LEPR: variants seen among roughly 807,000 people sequenced by gnomAD.
The protein encoded by LEPR is leptin receptor.
Under a neutral mutation model 114.7 loss-of-function variants are expected in LEPR, and 56 were observed. The observed-to-expected ratio is 0.49, with a 90% CI of 0.39 to 0.61. LEPR has a LOEUF of 0.61. Ranked by LOEUF, LEPR falls within the 20% of genes least tolerant of loss-of-function variation. The pLI is 0.00. For synonymous variants in LEPR, 443 were observed against 461.4 expected (o/e 0.96, Z 0.51); for missense variants, 1,202 against 1,352.9 (o/e 0.89, Z 1.75).
chr1:65,485,260 A>T lies in LEPR; in HGVS notation c.-21+59882A>T, dbSNP rs528403214. On this transcript the variant is annotated intron_variant, in intron 2 of 19. Transcript: ENST00000349533. ...CAGATAAAGCAGTCAACACACGTTC[A>T]TAATTATGTTAATTTACAACTAACG... Among the ~76,000 whole-genome samples the T allele has an allele frequency of 1.6e-4, 24 of 152,340 alleles. No individual in the cohort carries two copies. In the South Asian group the frequency reaches 5.0e-3, roughly 32 times the overall value.
chr1:65,569,096 G>C (rs1653973901), intron 3 of LEPR, among the ~76,000 whole-genome samples: 1 of 151,948 alleles, frequency 6.6e-6, no homozygotes, highest in African/African-American at 2.4e-5. Flanking sequence ...GCATAGTTCT[G>C]GAAGAGTGCT....
chr1:65,542,305 T>A (rs1228443281), intron 2 of LEPR, among the ~76,000 whole-genome samples: 8 of 152,050 alleles, frequency 5.3e-5, no homozygotes, highest in Non-Finnish European at 1.2e-4. Context: ...GGGCTGTTTT[T>A]CTTTTTAAAC....
intron 2 of LEPR, among the ~76,000 whole-genome samples, chr1:65,477,135 C>G (rs144661286): frequency 6.6e-6 from 1 of 152,146 alleles, no homozygotes; most frequent in Non-Finnish European, 1.5e-5. Context: ...TAGGTATCAC[C>G]TTATCAGTGA....
At chr1:65,462,148 C>T (rs538815938) in intron 2 of LEPR, among the ~76,000 whole-genome samples, 1 of 152,270 alleles carries the variant, frequency 6.6e-6, no homozygotes, top group African/African-American at 2.4e-5. Context: ...CTATCCCTCT[C>T]CCATCCCCCC....
At chr1:65,619,462 G>T (rs1657739839) in intron 16 of LEPR, among the ~76,000 whole-genome samples, 1 of 152,074 alleles carries the variant, frequency 6.6e-6, no homozygotes, top group Non-Finnish European at 1.5e-5. Context: ...CCACCATTTT[G>T]TTTGCATAGG....
intron 2 of LEPR, among the ~76,000 whole-genome samples, chr1:65,447,736 G>A (rs1646732004): frequency 6.6e-6 from 1 of 151,806 alleles, no homozygotes. Flanking sequence ...ATGGGTTTTT[G>A]CCATGTTGCC....
At chr1:65,515,681 T>C (rs1288813074) in intron 2 of LEPR, among the ~76,000 whole-genome samples, 1 of 152,214 alleles carries the variant, frequency 6.6e-6, no homozygotes, top group Non-Finnish European at 1.5e-5. Context: ...GTTCCTCTTG[T>C]CTTTCTTTCA....
In LEPR at chr1:65,431,337, C is replaced by T. The variant is rs544944666; in HGVS notation, c.-21+5959C>T. ...AAATGTGCTTCTGTAAAACCATCTACAAACCATCTACTAAGCTGGAAAGCA... is the reference window on the plus strand; with the variant it reads ...AAATGTGCTTCTGTAAAACCATCTATAAACCATCTACTAAGCTGGAAAGCA... On this transcript the variant is annotated intron_variant, in intron 2 of 19. Transcript: ENST00000349533. 1.0e-3 allele frequency among the ~76,000 whole-genome samples: 157 copies of T among 152,310 alleles called. 1 individual carries two copies. Among genetic ancestry groups the T allele is most frequent in the Non-Finnish European group, 2.0e-3 (134 of 68,024 alleles).
intron 10 of LEPR, among the ~76,000 whole-genome samples, chr1:65,603,287 A>C (rs1656573492): frequency 6.6e-6 from 1 of 151,430 alleles, no homozygotes; most frequent in South Asian, 2.1e-4. Context: ...CTTTGTTCTT[A>C]TTTTCTACCC....
chr1:65,572,600 C>A, intron 5 of LEPR, 151 bp downstream of exon 5: 1 of 840,496 alleles, frequency 1.2e-6, no homozygotes, highest in South Asian at 1.9e-5. Flanking sequence ...TGTTAGGTTT[C>A]CTCTTTTCTC....
At chr1:65,560,021 C>G (rs1401051924) in intron 2 of LEPR, among the ~76,000 whole-genome samples, 2 of 146,172 alleles carry the variant, frequency 1.4e-5, no homozygotes, top group South Asian at 4.5e-4. Context: ...TTAGGATTGA[C>G]TTGGTGATGC....
intron 14 of LEPR, among the ~76,000 whole-genome samples, chr1:65,615,025 G>GTTT (rs150117458): frequency 6.6e-6 from 1 of 150,734 alleles, no homozygotes; most frequent in Non-Finnish European, 1.5e-5. Flanking sequence ...AAACTGACAT[G>GTTT]TTTTTTTTTC....
chr1:65,542,625 C>A (rs1352580111), intron 2 of LEPR, among the ~76,000 whole-genome samples: 1 of 151,788 alleles, frequency 6.6e-6, no homozygotes, highest in Admixed American at 6.6e-5. Flanking sequence ...CCAGCCACCC[C>A]CCGACAGGCC....
chr1:65,442,537 G>A (rs1646662920), intron 2 of LEPR, among the ~76,000 whole-genome samples: 1 of 151,978 alleles, frequency 6.6e-6, no homozygotes, highest in Admixed American at 6.6e-5. Context: ...CTGTACCTTG[G>A]GCCTTGGTCA....
chr1:65,475,529 T>TG (rs1647147833), intron 2 of LEPR, among the ~76,000 whole-genome samples: 1 of 152,216 alleles, frequency 6.6e-6, no homozygotes, highest in South Asian at 2.1e-4. Flanking sequence ...GCATGGTCCC[T>TG]GACCTTTTCA....
At chr1:65,435,133 C>T (rs1323107635) in intron 2 of LEPR, 1 of 985,186 alleles carries the variant, frequency 1.0e-6, no homozygotes, top group Non-Finnish European at 1.2e-6. Context: ...TCCTGTCATA[C>T]CTCATCTCTT....
At chr1:65,585,978 A>G (rs183425208) in intron 5 of LEPR, among the ~76,000 whole-genome samples, 2 of 152,180 alleles carry the variant, frequency 1.3e-5, no homozygotes, top group East Asian at 3.9e-4. Flanking sequence ...AAAGAAAAGA[A>G]TCATTTGAAG....
In LEPR at chr1:65,636,040, T is replaced by G. The variant is rs1314587006; in HGVS notation, c.2674-151T>G. On this transcript the variant is annotated intron_variant, in intron 19 of 19. Transcript: ENST00000349533. ...TAAACGGGCTCTTCCTTATGCTTTT[T>G]GATATATGTATTTTAGTCAAAAACT... The G allele has an allele frequency of 2.2e-5, 18 of 830,884 alleles. No homozygotes were observed. The East Asian group carries it at 4.7e-4, about 22-fold the overall frequency. The allele number at this position is 830,884 out of a possible 1,614,324, so 51.5% of individuals were successfully genotyped here. A position where few individuals can be genotyped will look rare whatever the true frequency, so the allele number is the denominator to read the frequency against.
rs1491147292 is a variant in LEPR at position 65,488,229 on chromosome 1, T to TC, written c.-21+62851_-21+62852insC. Among the ~76,000 whole-genome samples, 24 of 63,604 alleles carry TC rather than the reference T, an allele frequency of 3.8e-4. 1 individual carries two copies. Among genetic ancestry groups the TC allele is most frequent in the Non-Finnish European group, 5.6e-4 (19 of 34,068 alleles). 41.7% of individuals were successfully genotyped at this position (63,604 alleles called of 152,430 possible). ...CTTTCTTTCTCTCTCTCTCTCTCTC[T>TC]TTCTTTCTTTCTTTCTTTCTTTCTT... is the stretch of plus-strand genomic sequence containing the variant. On this transcript the variant is annotated intron_variant, in intron 2 of 19. Coordinates refer to ENST00000349533, the MANE Select transcript of LEPR (RefSeq NM_002303.6).
Sources: allele counts gnomAD v4.1 joint callset (sites outside exome capture counted in the v4.1 genomes callset), GRCh38; gene constraint gnomAD v4.1.1; transcripts MANE v1.5; gene names NCBI Gene and HGNC (gene_info 2026-07-23, HGNC 2026-07-21).